Variants in CPEB3 observed in about 807,000 individuals in gnomAD.
CPEB3 encodes the protein cytoplasmic polyadenylation element-binding protein 3.
A neutral mutation model predicts 67.2 loss-of-function variants in CPEB3; 20 were observed. That is an observed-to-expected ratio of 0.30 (90% CI 0.21 to 0.43). CPEB3 has a LOEUF of 0.43. CPEB3 is among the 20% of genes least tolerant of loss of function. The pLI is 1.00. For missense variants in CPEB3, 746 were observed against 968.6 expected, an observed-to-expected ratio of 0.77 and a Z score of 3.05; for synonymous variants, 376 against 393.1, an observed-to-expected ratio of 0.96 and a Z score of 0.51.
Position 92,199,391 on chromosome 10 carries a change from C to CA in CPEB3, c.1006-6756dup, listed in dbSNP as rs61159896. Reference sequence around the variant, plus strand: ...GGGCAACAAAAGTGAAACTCTGTCTCAAAAAAAAAAAAAAAAAAAGGCCAG... The same window carrying CA: ...GGGCAACAAAAGTGAAACTCTGTCTCAAAAAAAAAAAAAAAAAAAAGGCCAG... On this transcript the variant is annotated intron_variant, in intron 2 of 9. Coordinates refer to ENST00000265997, the MANE Select transcript of CPEB3 (RefSeq NM_014912.5). 6.2e-3 allele frequency among the ~76,000 whole-genome samples: 470 copies of CA among 76,284 alleles called. 2 individuals are homozygous for CA. The highest frequency in any genetic ancestry group is 0.014 in the East Asian group (32 of 2,230). The allele number at this position is 76,284 out of a possible 152,430, so 50.0% of individuals were successfully genotyped here.
rs989459999 is a variant in CPEB3, at chr10:92,180,867, C to T, written c.1222+96G>A. ...GAACAATGGTCTATACTCCTTTCAG[C>T]GGAAGGTTAAAATGTAACCAACAAT... On this transcript the variant is annotated intron_variant, in intron 4 of 9. Coordinates refer to ENST00000265997, the MANE Select transcript of CPEB3 (RefSeq NM_014912.5). The T allele has an allele frequency of 6.3e-5, 48 of 759,054 alleles. No homozygotes were observed. In the Middle Eastern group the frequency reaches 7.0e-4, roughly 11 times the overall value. The allele number at this position is 759,054 out of a possible 1,614,324, so 47.0% of individuals were successfully genotyped here.
intron 7 of CPEB3, among the ~76,000 whole-genome samples, chr10:92,104,417 C>A (rs1590145537): frequency 8.4e-6 from 1 of 119,478 alleles, no homozygotes; most frequent in Admixed American, 1.0e-4. Flanking sequence ...GAGTCTTATT[C>A]TGTCACCCAG....
At chr10:92,241,584 G>A (rs1851854449) in intron 1 of CPEB3, among the ~76,000 whole-genome samples, 1 of 152,120 alleles carries the variant, frequency 6.6e-6, no homozygotes, top group Non-Finnish European at 1.5e-5. Context: ...ATAGTGCATT[G>A]CCATCACTGC....
chr10:92,109,587 G>A (rs1844635920), intron 7 of CPEB3, among the ~76,000 whole-genome samples: 1 of 152,020 alleles, frequency 6.6e-6, no homozygotes, highest in African/African-American at 2.4e-5. Context: ...AGGGGGACTT[G>A]TTTCTTCTTT....
intron 9 of CPEB3, among the ~76,000 whole-genome samples, chr10:92,059,782 C>T (rs1842266369): frequency 1.3e-5 from 2 of 151,924 alleles, no homozygotes; most frequent in Non-Finnish European, 2.9e-5. Flanking sequence ...CATGGTGAAA[C>T]CCTGTCTCTA....
At chr10:92,119,851 T>C (rs895125156) in intron 6 of CPEB3, among the ~76,000 whole-genome samples, 2 of 152,052 alleles carry the variant, frequency 1.3e-5, no homozygotes, top group Non-Finnish European at 2.9e-5. Flanking sequence ...TTATGCTTTC[T>C]CATCGAAGTC....
chr10:92,235,107 T>C (rs1332887566), intron 2 of CPEB3, among the ~76,000 whole-genome samples: 5 of 152,146 alleles, frequency 3.3e-5, no homozygotes, highest in African/African-American at 1.2e-4. Flanking sequence ...GCTCTGATCA[T>C]GAAGGTACCA....
At chr10:92,253,767 A>T (rs1852405623) in intron 1 of CPEB3, among the ~76,000 whole-genome samples, 1 of 152,138 alleles carries the variant, frequency 6.6e-6, no homozygotes, top group African/African-American at 2.4e-5. Context: ...AGTTTACAAA[A>T]CACACAATAT....
chr10:92,101,233 G>C (rs1310280058), intron 7 of CPEB3, among the ~76,000 whole-genome samples: 2 of 152,120 alleles, frequency 1.3e-5, no homozygotes, highest in East Asian at 3.9e-4. Flanking sequence ...TTCCCAAAAA[G>C]GACCTGGTTC....
At chr10:92,248,921 C>T (rs185130967) in intron 1 of CPEB3, among the ~76,000 whole-genome samples, 1 of 152,294 alleles carries the variant, frequency 6.6e-6, no homozygotes, top group Admixed American at 6.5e-5. Flanking sequence ...ATATTCCAGT[C>T]AAACCACATA....
At chr10:92,166,885 A>G (rs918711200) in intron 4 of CPEB3, among the ~76,000 whole-genome samples, 2 of 152,222 alleles carry the variant, frequency 1.3e-5, no homozygotes, top group African/African-American at 2.4e-5. Flanking sequence ...TGTTTCACCT[A>G]CACTGAAAAT....
chr10:92,264,818 G>A (rs933997005), intron 1 of CPEB3, among the ~76,000 whole-genome samples: 4 of 152,218 alleles, frequency 2.6e-5, no homozygotes, highest in East Asian at 3.9e-4. Context: ...ATGGGAGGCC[G>A]AGGCAGGACG....
At chr10:92,055,890 C>T (rs1203577663) in intron 9 of CPEB3, among the ~76,000 whole-genome samples, 3 of 152,138 alleles carry the variant, frequency 2.0e-5, no homozygotes. Context: ...TTGTGGTATG[C>T]ACCTGTAGTC....
chr10:92,180,306 C>T (rs1437363289), intron 4 of CPEB3, among the ~76,000 whole-genome samples: 4 of 152,164 alleles, frequency 2.6e-5, no homozygotes, highest in Non-Finnish European at 4.4e-5. Flanking sequence ...TAATGGGAGA[C>T]CCCTGGATGT....
At position 92,112,126 on chromosome 10, in the gene CPEB3, CT is replaced by C. The variant is rs201432910; in HGVS notation, c.1454-933del. 9.1e-3 allele frequency among the ~76,000 whole-genome samples: 1,106 copies of C among 121,832 alleles called. 3 individuals carry two copies. The highest frequency in any genetic ancestry group is 0.012 in the South Asian group (37 of 3,094). 79.9% of individuals were successfully genotyped at this position (121,832 alleles called of 152,430 possible). A position where few individuals can be genotyped will look rare whatever the true frequency, so the allele number is the denominator to read the frequency against. Reference sequence around the variant, plus strand: ...TACTAAAATAAGCAAGACCACGTTCCTTTTTTTTTTTTTTTTTTTTTTTGAG... The same window carrying C: ...TACTAAAATAAGCAAGACCACGTTCCTTTTTTTTTTTTTTTTTTTTTTGAG... On this transcript the variant is annotated intron_variant, in intron 6 of 9. Coordinates refer to ENST00000265997, the MANE Select transcript of CPEB3 (RefSeq NM_014912.5).
intron 4 of CPEB3, among the ~76,000 whole-genome samples, chr10:92,161,082 A>C (rs1172627647): frequency 3.9e-5 from 6 of 152,036 alleles, no homozygotes; most frequent in Admixed American, 3.9e-4. Context: ...TCACCATGTC[A>C]CCCAAGCTGG....
chr10:92,266,093 C>A (rs1296690622), intron 1 of CPEB3, among the ~76,000 whole-genome samples: 1 of 152,146 alleles, frequency 6.6e-6, no homozygotes, highest in Non-Finnish European at 1.5e-5. Flanking sequence ...GCAGTCTCCA[C>A]CAGCAAGAAG....
chr10:92,273,647 A>G (rs1173274976), intron 1 of CPEB3, among the ~76,000 whole-genome samples: 1 of 152,204 alleles, frequency 6.6e-6, no homozygotes, highest in Non-Finnish European at 1.5e-5. Flanking sequence ...GGAGGTAAAC[A>G]TTTGACTATA....
At chr10:92,231,925 G>T (rs932216187) in intron 2 of CPEB3, among the ~76,000 whole-genome samples, 1 of 151,908 alleles carries the variant, frequency 6.6e-6, no homozygotes. Context: ...TCACCAGGTT[G>T]GCCAGGCTGG....
Sources: allele counts gnomAD v4.1 joint callset (sites outside exome capture counted in the v4.1 genomes callset), GRCh38; gene constraint gnomAD v4.1.1; transcripts MANE v1.5; gene names NCBI Gene and HGNC (gene_info 2026-07-23, HGNC 2026-07-21).